The following PRIM2 variants were observed in gnomAD, a reference collection of about 807,000 sequenced individuals.
PRIM2 encodes the protein DNA primase large subunit.
A neutral mutation model predicts 67.3 loss-of-function variants in PRIM2; 39 were observed. The observed-to-expected ratio is 0.58, with a 90% CI of 0.45 to 0.76. The LOEUF (loss-of-function observed/expected upper bound fraction) is 0.76, where lower values mean the gene tolerates loss of function less well. PRIM2 is among the 30% of genes least tolerant of loss of function. PRIM2 has a pLI of 0.00. For synonymous variants in PRIM2, 143 were observed against 198.7 expected, an observed-to-expected ratio of 0.72 and a Z score of 2.36; for missense variants, 398 against 598.7, an observed-to-expected ratio of 0.66 and a Z score of 3.50.
chr6:57,517,639 T>C (rs1446097799), intron 8 of PRIM2, among the ~76,000 whole-genome samples: 5 of 152,342 alleles, frequency 3.3e-5, no homozygotes, highest in Admixed American at 1.3e-4. Context: ...AATAATTACA[T>C]ATTTTTAAAA....
intron 10 of PRIM2, among the ~76,000 whole-genome samples, chr6:57,557,313 C>T (rs1375161787): frequency 6.6e-6 from 1 of 151,308 alleles, no homozygotes; most frequent in Admixed American, 6.6e-5. Flanking sequence ...AAGACATATG[C>T]ACGCGAATGT....
At chr6:57,500,365 G>A (rs1306030607) in intron 7 of PRIM2, among the ~76,000 whole-genome samples, 2 of 152,180 alleles carry the variant, frequency 1.3e-5, no homozygotes, top group Non-Finnish European at 2.9e-5. Context: ...ACAAATGTAT[G>A]CAAAATAGTA....
Position 57,589,108 on chromosome 6 carries a change from GT to G in PRIM2, c.1021-11979del, listed in dbSNP as rs1337414774. Among the ~76,000 whole-genome samples the G allele has an allele frequency of 2.0e-5, 3 of 152,184 alleles. No homozygotes were observed. In the East Asian group the frequency reaches 5.8e-4, roughly 29 times the overall value. On this transcript the variant is annotated intron_variant, in intron 10 of 13. Transcript: ENST00000615550. ...TTCATCAGAAATAGTGGTCCATTTAGTTTTTTCAAAGCAAAGGGAGGCATTT... is the reference window on the plus strand; with the variant it reads ...TTCATCAGAAATAGTGGTCCATTTAGTTTTTCAAAGCAAAGGGAGGCATTT...
At chr6:57,546,739 T>G (rs1362322550) in intron 10 of PRIM2, among the ~76,000 whole-genome samples, 1 of 152,156 alleles carries the variant, frequency 6.6e-6, no homozygotes, top group Non-Finnish European at 1.5e-5. Context: ...ATGCATATTA[T>G]ACTTGAGGAT....
At chr6:57,451,720 TTG>T (rs202148483) in intron 7 of PRIM2, among the ~76,000 whole-genome samples, 1 of 151,402 alleles carries the variant, frequency 6.6e-6, no homozygotes, top group African/African-American at 2.4e-5. Flanking sequence ...TGTATCTGTT[TTG>T]TGTGTGTGTG....
the PRIM2 span, among the ~76,000 whole-genome samples, chr6:57,301,245 T>C: frequency 5.3e-5 from 8 of 152,122 alleles, no homozygotes; most frequent in Non-Finnish European, 1.2e-4. Context: ...CCCAGGACTT[T>C]GGGAGGTCAC....
intron 10 of PRIM2, among the ~76,000 whole-genome samples, chr6:57,559,954 A>G (rs1205522163): frequency 6.6e-6 from 1 of 152,038 alleles, no homozygotes; most frequent in Non-Finnish European, 1.5e-5. Context: ...GTAGTTGCTG[A>G]AGATTGGAGT....
At chr6:57,458,171 G>T (rs2127395148) in intron 7 of PRIM2, among the ~76,000 whole-genome samples, 1 of 152,170 alleles carries the variant, frequency 6.6e-6, no homozygotes, top group East Asian at 1.9e-4. Context: ...TGCATCGTGG[G>T]TTGATTGGGG....
intron 8 of PRIM2, among the ~76,000 whole-genome samples, chr6:57,512,987 T>C (rs1774402436): frequency 6.6e-6 from 1 of 152,086 alleles, no homozygotes; most frequent in African/African-American, 2.4e-5. Flanking sequence ...CATAAGACTA[T>C]ACCATTTTTC....
intron 7 of PRIM2, among the ~76,000 whole-genome samples, chr6:57,413,028 C>T (rs1771143503): frequency 6.6e-6 from 1 of 152,032 alleles, no homozygotes. Flanking sequence ...TTTTTTGTGG[C>T]TTCTATCATT....
the PRIM2 span, among the ~76,000 whole-genome samples, chr6:57,291,227 T>G: frequency 1.3e-5 from 2 of 152,078 alleles, no homozygotes; most frequent in Non-Finnish European, 2.9e-5. Context: ...AACACCTCCA[T>G]GTAAATAAAC....
intron 12 of PRIM2, among the ~76,000 whole-genome samples, chr6:57,610,182 C>T (rs1776639528): frequency 6.6e-6 from 1 of 152,184 alleles, no homozygotes; most frequent in South Asian, 2.1e-4. Context: ...GATTCTCCCG[C>T]CTCAGCATCC....
chr6:57,325,268 C>A (rs1326318321), intron 4 of PRIM2, among the ~76,000 whole-genome samples: 1 of 151,362 alleles, frequency 6.6e-6, no homozygotes. Context: ...TGCCCCATTT[C>A]CCCATTTTCT....
intron 12 of PRIM2, 133 bp downstream of exon 12, chr6:57,606,590 G>C: frequency 5.3e-6 from 3 of 563,486 alleles, no homozygotes; most frequent in Non-Finnish European, 9.5e-6. Context: ...TCTTCAAGAT[G>C]AATTAAGTTA....
intron 5 of PRIM2, among the ~76,000 whole-genome samples, chr6:57,377,955 T>C (rs370791013): frequency 0.036 from 5,420 of 152,098 alleles, 310 homozygotes; most frequent in African/African-American, 0.12. Context: ...GGCTCAGAAA[T>C]GTCATTTCTT....
At chr6:57,578,653 C>T (rs1265897235) in intron 10 of PRIM2, among the ~76,000 whole-genome samples, 1 of 150,142 alleles carries the variant, frequency 6.7e-6, no homozygotes, top group East Asian at 2.0e-4. Flanking sequence ...TCTTGACACA[C>T]CTCCTTCCTT....
intron 10 of PRIM2, among the ~76,000 whole-genome samples, chr6:57,600,488 G>C (rs1413758928): frequency 6.6e-6 from 1 of 151,956 alleles, no homozygotes; most frequent in Non-Finnish European, 1.5e-5. Context: ...CTCCTGAGTA[G>C]CTGAGACGAC....
At position 57,578,871 on chromosome 6, in the gene PRIM2, T is replaced by A. The variant is rs1267781497; in HGVS notation, c.1021-22222T>A. On this transcript the variant is annotated intron_variant, in intron 10 of 13. Coordinates refer to ENST00000615550, the MANE Select transcript of PRIM2 (RefSeq NM_000947.5). ...TTTTGTATTTTTAGTAGAGACGGGG[T>A]TTCACCGTGTTAGCCAGGATGGTCT... Among the ~76,000 whole-genome samples, 8 of 151,266 alleles carry A rather than the reference T, an allele frequency of 5.3e-5. No individual in the cohort carries two copies. In the South Asian group the frequency reaches 1.7e-3, roughly 32 times the overall value.
chr6:57,593,279 A>G (rs1168451626), intron 10 of PRIM2, among the ~76,000 whole-genome samples: 9 of 151,340 alleles, frequency 5.9e-5, no homozygotes, highest in Non-Finnish European at 1.0e-4. Flanking sequence ...ACAGAAACAT[A>G]TGTTTTCTAT....
Sources: allele counts gnomAD v4.1 joint callset (sites outside exome capture counted in the v4.1 genomes callset), GRCh38; gene constraint gnomAD v4.1.1; transcripts MANE v1.5; gene names NCBI Gene and HGNC (gene_info 2026-07-23, HGNC 2026-07-21).